The following CSMD1 variants were observed in gnomAD, a reference collection of about 807,000 sequenced individuals.
CSMD1 encodes CUB and sushi domain-containing protein 1.
Under a neutral mutation model 417.5 loss-of-function variants are expected in CSMD1, and 213 were observed. The ratio of observed to expected loss-of-function variants is 0.51; its 90% CI spans 0.46 to 0.57. The LOEUF (loss-of-function observed/expected upper bound fraction) is 0.57. Ranked by LOEUF, CSMD1 falls within the 20% of genes least tolerant of loss-of-function variation. The probability of loss-of-function intolerance (pLI) is 0.00; values close to 1 mark genes in which losing one functional copy is unlikely to be tolerated. For synonymous variants in CSMD1, 2,862 were observed against 1,736.8 expected, an observed-to-expected ratio of 1.65 and a Z score of -16.11; for missense variants, 6,923 against 4,529.7, an observed-to-expected ratio of 1.53 and a Z score of -15.17.
At chr8:3,626,622 C>T (rs1338026652) in intron 7 of CSMD1, among the ~76,000 whole-genome samples, 1 of 151,194 alleles carries the variant, frequency 6.6e-6, no homozygotes, top group East Asian at 1.9e-4. Context: ...ATGATGAGTC[C>T]CCACAGAAAG....
intron 3 of CSMD1, among the ~76,000 whole-genome samples, chr8:4,212,188 A>G (rs961504003): frequency 2.0e-5 from 3 of 149,788 alleles, no homozygotes; most frequent in Non-Finnish European, 3.0e-5. Flanking sequence ...ATATATATAT[A>G]TATATATTAT....
At chr8:4,435,073 G>T (rs1323171679) in intron 2 of CSMD1, among the ~76,000 whole-genome samples, 1 of 152,056 alleles carries the variant, frequency 6.6e-6, no homozygotes, top group Non-Finnish European at 1.5e-5. Context: ...ATATATCGGT[G>T]TAATAAAAAT....
At chr8:3,756,699 C>T (rs1297545787) in intron 5 of CSMD1, among the ~76,000 whole-genome samples, 1 of 152,196 alleles carries the variant, frequency 6.6e-6, no homozygotes, top group African/African-American at 2.4e-5. Context: ...CTAAACTTTT[C>T]ACAACCGCAA....
At chr8:3,430,800 C>G (rs768913987) in intron 12 of CSMD1, among the ~76,000 whole-genome samples, 2 of 152,034 alleles carry the variant, frequency 1.3e-5, no homozygotes, top group Admixed American at 6.6e-5. Flanking sequence ...GAACGAGACT[C>G]CATTTCAACA....
chr8:3,108,408 G>C (rs1816286705), intron 44 of CSMD1, among the ~76,000 whole-genome samples, 195 bp downstream of exon 44: 1 of 152,106 alleles, frequency 6.6e-6, no homozygotes, highest in Non-Finnish European at 1.5e-5. Context: ...ATCCAAGCTG[G>C]ATACGATGTG....
intron 2 of CSMD1, among the ~76,000 whole-genome samples, chr8:4,553,296 A>T (rs1305628985): frequency 6.6e-6 from 1 of 152,218 alleles, no homozygotes; most frequent in Non-Finnish European, 1.5e-5. Context: ...CTAAGATTTC[A>T]TATATCAGCT....
intron 3 of CSMD1, among the ~76,000 whole-genome samples, chr8:4,340,154 C>T (rs981745179): frequency 6.6e-6 from 1 of 152,078 alleles, no homozygotes; most frequent in African/African-American, 2.4e-5. Flanking sequence ...TTAACATGTT[C>T]TATTTTCTTG....
chr8:3,789,525 T>A (rs904586505), intron 5 of CSMD1, among the ~76,000 whole-genome samples: 1 of 151,222 alleles, frequency 6.6e-6, no homozygotes. Flanking sequence ...CAGGTTTTTA[T>A]GCTAGTACTT....
At chr8:3,446,439 G>T (rs1417894427) in intron 12 of CSMD1, among the ~76,000 whole-genome samples, 3 of 152,194 alleles carry the variant, frequency 2.0e-5, no homozygotes, top group Non-Finnish European at 4.4e-5. Context: ...CAAAAACTCA[G>T]TTATGATTCC....
At chr8:4,784,417 C>T (rs1585093007) in intron 1 of CSMD1, among the ~76,000 whole-genome samples, 1 of 152,166 alleles carries the variant, frequency 6.6e-6, no homozygotes, top group South Asian at 2.1e-4. Flanking sequence ...AGAACAAACT[C>T]ATATGGATTT....
chr8:3,609,427 C>G (rs1216667710), intron 8 of CSMD1, among the ~76,000 whole-genome samples: 2 of 152,190 alleles, frequency 1.3e-5, no homozygotes, highest in Non-Finnish European at 2.9e-5. Context: ...TGTCCCCAAA[C>G]TGACTTGAAT....
chr8:4,701,221 G>C (rs1307261222), intron 1 of CSMD1, among the ~76,000 whole-genome samples: 1 of 151,908 alleles, frequency 6.6e-6, no homozygotes, highest in Admixed American at 6.6e-5. Flanking sequence ...TCTTTGCTCA[G>C]AGCTCTCTCA....
At chr8:3,384,766 A>AATTTAAT (rs1810880358) in intron 18 of CSMD1, among the ~76,000 whole-genome samples, 1 of 122,056 alleles carries the variant, frequency 8.2e-6, no homozygotes, top group African/African-American at 3.1e-5. Context: ...AAATTATATA[A>AATTTAAT]ATATATATTT....
intron 1 of CSMD1, among the ~76,000 whole-genome samples, chr8:4,722,020 C>G (rs756523711): frequency 1.3e-5 from 2 of 151,938 alleles, no homozygotes; most frequent in Non-Finnish European, 2.9e-5. Context: ...GGGCTGGCAT[C>G]GAATGAGGAG....
In CSMD1 at chr8:4,419,934, A is replaced by G; in HGVS notation, c.415+19T>C. On this transcript the variant is annotated intron_variant, in intron 3 of 69. Transcript: ENST00000635120. Reference sequence around the variant, plus strand: ...ATTTGGACAGTGAATGCATGTGCAAAACACAACCAATCTCCTACCTTCATA... The same window carrying G: ...ATTTGGACAGTGAATGCATGTGCAAGACACAACCAATCTCCTACCTTCATA... 1 of 1,501,584 alleles carries G rather than the reference A, an allele frequency of 6.7e-7. No individual in the cohort carries two copies. Among genetic ancestry groups the G allele is most frequent in the Non-Finnish European group, 9.1e-7 (1 of 1,098,546 alleles). The allele number at this position is 1,501,584 out of a possible 1,614,324, so 93.0% of individuals were successfully genotyped here.
At chr8:4,758,054 T>G (rs574921608) in intron 1 of CSMD1, among the ~76,000 whole-genome samples, 4 of 152,232 alleles carry the variant, frequency 2.6e-5, no homozygotes, top group South Asian at 2.1e-4. Flanking sequence ...GATATCTTCT[T>G]TCCTTCTCTC....
chr8:3,589,586 C>A (rs1440951936), intron 8 of CSMD1, among the ~76,000 whole-genome samples: 4 of 151,996 alleles, frequency 2.6e-5, no homozygotes, highest in Non-Finnish European at 5.9e-5. Flanking sequence ...AATAGAACTC[C>A]CAGTAGCAGA....
intron 3 of CSMD1, among the ~76,000 whole-genome samples, chr8:4,277,801 G>A (rs1239109534): frequency 1.3e-5 from 2 of 152,098 alleles, no homozygotes; most frequent in Non-Finnish European, 2.9e-5. Flanking sequence ...AGGCTGGAGT[G>A]CAGTCGTATA....
At chr8:3,571,755 C>CAGCTGAGACAA (rs57894725) in intron 10 of CSMD1, among the ~76,000 whole-genome samples, 1 of 151,846 alleles carries the variant, frequency 6.6e-6, no homozygotes, top group African/African-American at 2.4e-5. Flanking sequence ...GCTAAGTCTC[C>CAGCTGAGACAA]GTCTGGGGCA....
Sources: allele counts gnomAD v4.1 joint callset (sites outside exome capture counted in the v4.1 genomes callset), GRCh38; gene constraint gnomAD v4.1.1; transcripts MANE v1.5; gene names NCBI Gene and HGNC (gene_info 2026-07-23, HGNC 2026-07-21).